GADL1: variants seen among roughly 807,000 people sequenced by gnomAD.
The protein encoded by GADL1 is GAD like acidic amino acid decarboxylase 1, also known as acidic amino acid decarboxylase GADL1.
GADL1 carries 71 observed loss-of-function variants against 69.5 expected under a neutral mutation model. That is an observed-to-expected ratio of 1.02 (90% CI 0.84 to 1.25). The LOEUF is 1.25. Ranked by LOEUF, GADL1 falls within the 50% of genes most tolerant of loss-of-function variation. GADL1 has a pLI of 0.00. For synonymous variants in GADL1, 254 were observed against 214.4 expected (o/e 1.18, Z -1.62); for missense variants, 737 against 631.8 (o/e 1.17, Z -1.79).
At chr3:30,751,743 T>C (rs1695824460) in intron 14 of GADL1, among the ~76,000 whole-genome samples, 2 of 152,200 alleles carry the variant, frequency 1.3e-5, no homozygotes, top group Non-Finnish European at 2.9e-5. Flanking sequence ...CTGAACTAGA[T>C]TTCTGCTGCG....
At chr3:30,787,609 A>G (rs971929409) in intron 12 of GADL1, among the ~76,000 whole-genome samples, 1 of 152,174 alleles carries the variant, frequency 6.6e-6, no homozygotes, top group African/African-American at 2.4e-5. Context: ...AATCACACCG[A>G]ACATCAGGAA....
At chr3:30,830,064 A>T (rs971851816) in intron 11 of GADL1, among the ~76,000 whole-genome samples, 5 of 151,660 alleles carry the variant, frequency 3.3e-5, no homozygotes, top group African/African-American at 1.2e-4. Context: ...GGCTCAGAAC[A>T]CAGTTATCCA....
At chr3:30,771,645 G>T (rs571726991) in intron 14 of GADL1, among the ~76,000 whole-genome samples, 3 of 152,150 alleles carry the variant, frequency 2.0e-5, no homozygotes, top group Admixed American at 1.3e-4. Flanking sequence ...GTAGCATAAG[G>T]TTTAAAAAAG....
At chr3:30,750,646 CT>C (rs5847629) in intron 14 of GADL1, among the ~76,000 whole-genome samples, 100,212 of 150,972 alleles carry the variant, frequency 0.66, 33,443 homozygotes, top group Non-Finnish European at 0.69. Flanking sequence ...CTTGCAGCCA[CT>C]TTTTTTTTTT....
At chr3:30,786,465 G>T in intron 12 of GADL1, 59 bp from the exon 13 acceptor site, 1 of 868,498 alleles carries the variant, frequency 1.2e-6, no homozygotes, top group South Asian at 1.4e-5. Flanking sequence ...TCATGAACAT[G>T]ACTGATATGA....
intron 14 of GADL1, among the ~76,000 whole-genome samples, chr3:30,755,206 A>AT: frequency 6.6e-6 from 1 of 152,298 alleles, no homozygotes; most frequent in African/African-American, 2.4e-5. Context: ...CATATCATTT[A>AT]TATTTGTCTT....
Position 30,761,826 on chromosome 3 carries a change from C to T in GADL1, c.1392+16353G>A, listed in dbSNP as rs181590681. ...GTAGCTCTACCAATTAGATTCAAAC[C>T]TATGGTCAATATTTTGAATGGCAAT... On this transcript the variant is annotated intron_variant, in intron 14 of 14. Transcript: ENST00000282538. 7.1e-3 allele frequency among the ~76,000 whole-genome samples: 1,088 copies of T among 152,264 alleles called. 47 individuals are homozygous for T. Among genetic ancestry groups the T allele is most frequent in the Admixed American group, 0.065 (998 of 15,278 alleles).
chr3:30,802,201 G>A (rs1282030097), intron 11 of GADL1, among the ~76,000 whole-genome samples: 3 of 152,028 alleles, frequency 2.0e-5, no homozygotes, highest in Non-Finnish European at 2.9e-5. Flanking sequence ...GTTGGCCTTG[G>A]TCCTGTGCTT....
At chr3:30,758,062 C>CT (rs1381194791) in intron 14 of GADL1, among the ~76,000 whole-genome samples, 1 of 152,198 alleles carries the variant, frequency 6.6e-6, no homozygotes, top group African/African-American at 2.4e-5. Flanking sequence ...GATGCAGCAG[C>CT]TTGCCCCAAA....
At chr3:30,832,339 TAAAA>T (rs72276746) in intron 11 of GADL1, among the ~76,000 whole-genome samples, 1 of 139,286 alleles carries the variant, frequency 7.2e-6, no homozygotes, top group Non-Finnish European at 1.6e-5. Context: ...ATGAATTCTT[TAAAA>T]AAAAAAAAAA....
chr3:30,812,228 C>G (rs773521191), intron 11 of GADL1, among the ~76,000 whole-genome samples: 20 of 152,222 alleles, frequency 1.3e-4, no homozygotes, highest in Non-Finnish European at 2.6e-4. Flanking sequence ...AAGCTCCAAA[C>G]TATAAAACCT....
At chr3:30,757,901 G>C (rs954135097) in intron 14 of GADL1, among the ~76,000 whole-genome samples, 2 of 152,112 alleles carry the variant, frequency 1.3e-5, no homozygotes, top group East Asian at 1.9e-4. Flanking sequence ...GCTTAAGATG[G>C]GTCAGTTACC....
At chr3:30,745,627 G>A (rs145845078) in intron 14 of GADL1, among the ~76,000 whole-genome samples, 5 of 152,290 alleles carry the variant, frequency 3.3e-5, no homozygotes, top group African/African-American at 1.2e-4. Context: ...ATCTCAATAT[G>A]TTGCTCTGTG....
At chr3:30,780,183 G>A (rs1157131258) in intron 13 of GADL1, among the ~76,000 whole-genome samples, 4 of 152,092 alleles carry the variant, frequency 2.6e-5, no homozygotes, top group African/African-American at 4.8e-5. Context: ...TGACTTCTCT[G>A]GCACTCCTTC....
chr3:30,732,607 T>C (rs1395587873), intron 14 of GADL1, among the ~76,000 whole-genome samples: 1 of 152,176 alleles, frequency 6.6e-6, no homozygotes, highest in Non-Finnish European at 1.5e-5. Flanking sequence ...AAAATGACTT[T>C]CTTTCTGACC....
intron 12 of GADL1, among the ~76,000 whole-genome samples, chr3:30,788,706 T>G (rs917278018): frequency 3.9e-5 from 6 of 152,216 alleles, no homozygotes; most frequent in African/African-American, 7.2e-5. Flanking sequence ...CTTTGCCAAC[T>G]AAGTTTATGT....
intron 12 of GADL1, chr3:30,799,593 C>G (rs550413396): frequency 5.9e-5 from 9 of 152,198 alleles, no homozygotes; most frequent in Non-Finnish European, 1.2e-4. Flanking sequence ...TGAGGATTAT[C>G]ATTCAGCTCC....
chr3:30,824,645 TAA>T (rs945285832), intron 11 of GADL1, among the ~76,000 whole-genome samples: 4 of 151,748 alleles, frequency 2.6e-5, no homozygotes, highest in African/African-American at 7.3e-5. Flanking sequence ...GGATAAATCT[TAA>T]AGACATAAGC....
chr3:30,827,436 T>C (rs1697700114), intron 11 of GADL1, among the ~76,000 whole-genome samples: 1 of 151,790 alleles, frequency 6.6e-6, no homozygotes, highest in Non-Finnish European at 1.5e-5. Flanking sequence ...AGCAATATAC[T>C]GAGCTGTATG....
Sources: allele counts gnomAD v4.1 joint callset (sites outside exome capture counted in the v4.1 genomes callset), GRCh38; gene constraint gnomAD v4.1.1; transcripts MANE v1.5; gene names NCBI Gene and HGNC (gene_info 2026-07-23, HGNC 2026-07-21).